H3-7: variants seen among roughly 807,000 people sequenced by gnomAD.
H3-7 encodes H3.7 histone (putative), also known as histone H3-7.
At chr1:143,904,402 T>C in the H3-7 span, 2 of 1,582,884 alleles carry the variant, frequency 1.3e-6, 1 homozygote, top group Non-Finnish European at 1.7e-6. Flanking sequence ...AAGATGTCGT[T>C]GACGAAGGAG....
chr1:143,905,392 G>C, the H3-7 span: 2 of 595,156 alleles, frequency 3.4e-6, no homozygotes, highest in Non-Finnish European at 5.9e-6. Context: ...GCCAACTCAC[G>C]GCTGGGCTTT....
At chr1:143,904,708 G>T in the H3-7 span, 633 of 1,234,518 alleles carry the variant, frequency 5.1e-4, 51 homozygotes, top group South Asian at 8.4e-3. Context: ...ATGAAGACTC[G>T]CAAAGTGCTG....
the H3-7 span, chr1:143,904,235 G>T: frequency 5.7e-6 from 9 of 1,576,512 alleles, 2 homozygotes; most frequent in South Asian, 9.0e-5. Context: ...ACTTCGAGCT[G>T]GTGTACTTGG....
the H3-7 span, among the ~76,000 whole-genome samples, chr1:143,903,997 C>G: frequency 6.9e-6 from 1 of 145,954 alleles, no homozygotes; most frequent in Non-Finnish European, 1.5e-5. Flanking sequence ...ACAAGCAACT[C>G]AGTAAGACTA....
the H3-7 span, chr1:143,904,670 A>C: frequency 6.6e-7 from 1 of 1,509,044 alleles, no homozygotes; most frequent in Non-Finnish European, 9.2e-7. Context: ...CGGGCTGGTT[A>C]TGCGCTACTT....
At chr1:143,904,260 C>T in the H3-7 span, 2 of 1,585,472 alleles carry the variant, frequency 1.3e-6, 1 homozygote, top group African/African-American at 2.7e-5. Flanking sequence ...CGCCTTGGTG[C>T]CCTCGGACAC....
At chr1:143,904,725 A>C in the H3-7 span, 84 of 1,101,978 alleles carry the variant, frequency 7.6e-5, 3 homozygotes, top group African/African-American at 7.0e-4. Flanking sequence ...GCTGCGCTTT[A>C]ATTGGTTAAC....
At chr1:143,904,745 T>A in the H3-7 span, 1 of 871,182 alleles carries the variant, frequency 1.1e-6, no homozygotes, top group African/African-American at 1.7e-5. Flanking sequence ...CTTACAACGG[T>A]GTCGTCAGAG....
chr1:143,904,045 C>T, the H3-7 span, among the ~76,000 whole-genome samples: 1 of 144,780 alleles, frequency 6.9e-6, no homozygotes, highest in African/African-American at 2.5e-5. Flanking sequence ...TACAGGACTA[C>T]AGGAAACTCC....
the H3-7 span, among the ~76,000 whole-genome samples, chr1:143,903,206 A>AC: frequency 7.4e-6 from 1 of 135,570 alleles, no homozygotes; most frequent in South Asian, 2.5e-4. Context: ...AAAAAAAAAA[A>AC]AACAAGCGCA....
chr1:143,905,485 T>C, the H3-7 span: 7 of 1,125,814 alleles, frequency 6.2e-6, 1 homozygote, highest in African/African-American at 1.1e-4. Flanking sequence ...GGAGAGCCGG[T>C]ACAGCTGCTC....
the H3-7 span, chr1:143,905,616 G>C: frequency 3.2e-6 from 5 of 1,582,578 alleles, 1 homozygote; most frequent in South Asian, 3.4e-5. Flanking sequence ...TGATGGTCAC[G>C]CGCTTGGCAT....
At chr1:143,904,536 T>G in the H3-7 span, 2 of 1,601,306 alleles carry the variant, frequency 1.2e-6, no homozygotes, top group Non-Finnish European at 8.5e-7. Context: ...GTCCTTCTTC[T>G]GCACTTTCGT....
chr1:143,904,344 C>G, the H3-7 span: 1 of 1,582,584 alleles, frequency 6.3e-7, no homozygotes, highest in African/African-American at 1.3e-5. Flanking sequence ...GATGGTGGAG[C>G]GCTTGTTGTA....
the H3-7 span, chr1:143,905,464 G>T: frequency 6.1e-6 from 6 of 983,722 alleles, no homozygotes; most frequent in Admixed American, 1.4e-4. Context: ...CAAGGCAGAC[G>T]CACATCAGAT....
chr1:143,903,915 C>A, the H3-7 span, among the ~76,000 whole-genome samples: 2 of 145,496 alleles, frequency 1.4e-5, 1 homozygote, highest in Admixed American at 1.4e-4. Context: ...GAACCACCCC[C>A]CGCCTCCTTC....
the H3-7 span, among the ~76,000 whole-genome samples, chr1:143,902,857 G>T: frequency 1.4e-5 from 2 of 145,972 alleles, no homozygotes; most frequent in Non-Finnish European, 3.1e-5. Context: ...CTCCAGTCTC[G>T]CTGAATCAGG....
the H3-7 span, among the ~76,000 whole-genome samples, chr1:143,902,475 T>C: frequency 7.0e-6 from 1 of 142,238 alleles, no homozygotes; most frequent in East Asian, 2.1e-4. Context: ...AGTTGTTAAT[T>C]CCCCCAAGAT....
chr1:143,905,264 T>G, the H3-7 span, among the ~76,000 whole-genome samples: 7 of 123,726 alleles, frequency 5.7e-5, 1 homozygote, highest in Admixed American at 1.7e-4. Flanking sequence ...CATAGTCTCT[T>G]GCCCCCATGC....
Sources: gnomAD v4.1 joint callset for allele counts (sites outside exome capture counted in the v4.1 genomes callset) on GRCh38, gnomAD v4.1.1 for gene constraint, MANE v1.5 for transcripts, NCBI Gene and HGNC (gene_info 2026-07-23, HGNC 2026-07-21) for gene names.